The following AACS variants were observed in gnomAD, a reference collection of about 807,000 sequenced individuals.
The protein encoded by AACS is acetoacetate-CoA ligase.
Under a neutral mutation model 83.1 loss-of-function variants are expected in AACS, and 69 were observed. The ratio of observed to expected loss-of-function variants is 0.83; its 90% confidence interval spans 0.68 to 1.01. The LOEUF is 1.01. AACS is among the 50% of genes least tolerant of loss of function. The pLI is 0.00. For synonymous variants in AACS, 333 were observed against 343.4 expected, an observed-to-expected ratio of 0.97 and a Z score of 0.33; for missense variants, 866 against 882.2, an observed-to-expected ratio of 0.98 and a Z score of 0.23.
At chr12:125,091,304 C>A in intron 4 of AACS, 122 bp from the exon 5 acceptor site, 1 of 930,302 alleles carries the variant, frequency 1.1e-6, no homozygotes, top group Non-Finnish European at 1.7e-6. Context: ...GGTCAGGATC[C>A]TCAGGCAGTT....
At chr12:125,078,923 A>G (rs749275269) in intron 3 of AACS, among the ~76,000 whole-genome samples, 1 of 152,052 alleles carries the variant, frequency 6.6e-6, no homozygotes, top group Non-Finnish European at 1.5e-5. Context: ...TGGTTTAACA[A>G]TAAGTAAGAA....
In AACS at chr12:125,065,696, G is replaced by T. The variant is rs1224728680; in HGVS notation, c.112G>T (p.Ala38Ser). ...QMDRFRAAVG[A>S]ACGLALESYD... The stretch of plus-strand genomic sequence containing the variant: ...GGACCGCTTCCGGGCGGCTGTGGGC[G>T]CCGCCTGCGGCCTGGCGCTGGGTGA... Residue 38 changes from alanine (A) to serine (S), a missense_variant, in exon 1 of 18, where the codon GCC (alanine) becomes TCC (serine). Transcript: ENST00000316519. The T allele has an allele frequency of 1.9e-6, 3 of 1,539,524 alleles. No homozygotes were observed. In the African/African-American group the frequency reaches 4.2e-5, roughly 21 times the overall value.
chr12:125,111,516 A>C (rs1956951881), intron 8 of AACS, among the ~76,000 whole-genome samples: 1 of 152,082 alleles, frequency 6.6e-6, no homozygotes, highest in Non-Finnish European at 1.5e-5. Flanking sequence ...AATTATATGT[A>C]CTCCATCTTC....
Position 125,102,702 on chromosome 12 carries a change from A to T in AACS, c.594A>T (p.Gln198His). 6.2e-7 allele frequency: 1 copy of T among 1,614,010 alleles called. No homozygotes were observed. Among genetic ancestry groups the T allele is most frequent in the Non-Finnish European group, 8.5e-7 (1 of 1,179,962 alleles). The stretch of plus-strand genomic sequence containing the variant: ...AGGGTGTGCTGGACCGGTTTTCTCA[A>T]ATTCAGCCAAAGCTCATCTTCTCTG... ...GVNGVLDRFS[Q>H]IQPKLIFSVE... is the part of the protein sequence containing the mutation. Residue 198 changes from glutamine to histidine, a missense_variant, in exon 6 of 18, where the codon CAA becomes CAT. Gln to His is a conservative substitution (Grantham distance 24). Coordinates refer to ENST00000316519, the MANE Select transcript of AACS (RefSeq NM_023928.5).
intron 9 of AACS, 167 bp from the exon 10 acceptor site, chr12:125,118,474 T>C (rs1022554340): frequency 4.0e-5 from 31 of 780,586 alleles, no homozygotes; most frequent in Non-Finnish European, 6.0e-5. Context: ...GATCCATTCT[T>C]AGATGTGGAG....
intron 7 of AACS, among the ~76,000 whole-genome samples, chr12:125,104,360 G>A (rs1157014593): frequency 6.6e-6 from 1 of 152,202 alleles, no homozygotes; most frequent in Non-Finnish European, 1.5e-5. Flanking sequence ...AGTGGTAGTC[G>A]GTGCATGGCT....
At chr12:125,075,360 C>T (rs186417031) in intron 2 of AACS, among the ~76,000 whole-genome samples, 341 of 150,870 alleles carry the variant, frequency 2.3e-3, no homozygotes, top group Non-Finnish European at 3.9e-3. Context: ...GAGTGCATCT[C>T]GGCTCACTGC....
intron 5 of AACS, 80 bp downstream of exon 5, chr12:125,091,603 A>C: frequency 6.9e-7 from 1 of 1,455,148 alleles, no homozygotes; most frequent in Non-Finnish European, 9.6e-7. Flanking sequence ...CTGAATTCCC[A>C]GGGGAGCCGG....
chr12:125,070,670 CTG>C (rs1391616996), intron 1 of AACS, among the ~76,000 whole-genome samples: 1 of 152,182 alleles, frequency 6.6e-6, no homozygotes, highest in East Asian at 1.9e-4. Context: ...TGAGCTCTCT[CTG>C]TATGTCGGGC....
chr12:125,080,974 A>G (rs1281839699), intron 3 of AACS, among the ~76,000 whole-genome samples: 1 of 151,308 alleles, frequency 6.6e-6, no homozygotes, highest in African/African-American at 2.4e-5. Context: ...TACAGGCGTG[A>G]GTCACCGTGC....
intron 3 of AACS, chr12:125,078,084 C>T (rs1363569812): frequency 2.2e-6 from 1 of 450,438 alleles, no homozygotes; most frequent in Admixed American, 2.4e-5. Flanking sequence ...AGAAACTTCA[C>T]TCACTCCCTA....
intron 7 of AACS, 58 bp downstream of exon 7, chr12:125,103,139 G>C: frequency 6.9e-7 from 1 of 1,451,688 alleles, no homozygotes; most frequent in Non-Finnish European, 9.5e-7. Context: ...CTCCTGCGGG[G>C]AAGTAGGCCT....
At chr12:125,100,141 A>G (rs1311982455) in intron 5 of AACS, among the ~76,000 whole-genome samples, 1 of 152,142 alleles carries the variant, frequency 6.6e-6, no homozygotes, top group East Asian at 1.9e-4. Context: ...TCAGCCTCCC[A>G]CGTAGCTGGG....
intron 17 of AACS, chr12:125,139,686 A>G (rs1182233155): frequency 6.6e-6 from 1 of 152,312 alleles, no homozygotes; most frequent in Non-Finnish European, 1.5e-5. Flanking sequence ...CTTTCCCTGC[A>G]TTTCCTGTTT....
chr12:125,095,896 C>G (rs570464154), intron 5 of AACS, among the ~76,000 whole-genome samples: 75 of 152,346 alleles, frequency 4.9e-4, no homozygotes, highest in South Asian at 2.9e-3. Context: ...ATGCCTCTGG[C>G]CAGTTGTGAG....
At chr12:125,132,624 A>G (rs1187377894) in intron 14 of AACS, among the ~76,000 whole-genome samples, 2 of 152,180 alleles carry the variant, frequency 1.3e-5, no homozygotes, top group African/African-American at 2.4e-5. Context: ...TAAAAGTCCA[A>G]TGAGAAAAGA....
chr12:125,087,363 T>G (rs749099341), intron 4 of AACS, among the ~76,000 whole-genome samples: 22 of 152,224 alleles, frequency 1.4e-4, no homozygotes, highest in Non-Finnish European at 2.9e-4. Context: ...TTTCTTACAA[T>G]TTTCCTTTCA....
rs145137699 is a variant in AACS at position 125,076,148 on chromosome 12, C to G, written c.238-343C>G. ...AAGGGGCAGGTGGTCCTGGAGCTTGCTCTCCTGGTTTCCATGCGTCTGGGC... is the reference window on the plus strand; with the variant it reads ...AAGGGGCAGGTGGTCCTGGAGCTTGGTCTCCTGGTTTCCATGCGTCTGGGC... On this transcript the variant is annotated intron_variant, in intron 2 of 17. Transcript: ENST00000316519. Among the ~76,000 whole-genome samples, 1,225 of 152,318 alleles carry G rather than the reference C, an allele frequency of 8.0e-3. 4 individuals are homozygous for G. The highest frequency in any genetic ancestry group is 0.012 in the Non-Finnish European group (833 of 68,038).
chr12:125,077,468 C>T (rs968108356), intron 3 of AACS, among the ~76,000 whole-genome samples: 2 of 150,470 alleles, frequency 1.3e-5, no homozygotes, highest in African/African-American at 4.9e-5. Flanking sequence ...TGAGATTGCG[C>T]CACTGCACTC....
Sources: allele counts gnomAD v4.1 joint callset (sites outside exome capture counted in the v4.1 genomes callset), GRCh38; gene constraint gnomAD v4.1.1; transcripts MANE v1.5; gene names NCBI Gene and HGNC (gene_info 2026-07-23, HGNC 2026-07-21).